RBFOX1: variants seen among roughly 807,000 people sequenced by gnomAD.
RBFOX1 encodes RNA binding protein fox-1 homolog 1.
A neutral mutation model predicts 57.7 loss-of-function variants in RBFOX1; 8 were observed. That is an observed-to-expected ratio of 0.14 (90% confidence interval 0.08 to 0.25). The LOEUF is 0.25. Among genes scored for constraint, RBFOX1 ranks in the 10% least tolerant of loss-of-function variants. RBFOX1 has a pLI of 1.00. For missense variants in RBFOX1, 611 were observed against 548.5 expected (o/e 1.11, Z -1.14); for synonymous variants, 326 against 222.4 (o/e 1.47, Z -4.15).
chr16:5,799,286 C>T (rs2054982664), intron 3 of RBFOX1, among the ~76,000 whole-genome samples: 1 of 152,070 alleles, frequency 6.6e-6, no homozygotes, highest in Admixed American at 6.6e-5. Context: ...GGGTTCCTCC[C>T]ACAACACATG....
intron 1 of RBFOX1, among the ~76,000 whole-genome samples, chr16:6,179,556 C>T (rs912605178): frequency 6.6e-6 from 1 of 152,144 alleles, no homozygotes; most frequent in Non-Finnish European, 1.5e-5. Context: ...CCCTACTGGG[C>T]TCAGAGACTG....
intron 3 of RBFOX1, among the ~76,000 whole-genome samples, chr16:6,891,356 T>C (rs542204055): frequency 6.6e-6 from 1 of 152,128 alleles, no homozygotes; most frequent in African/African-American, 2.4e-5. Context: ...CCCATCGATA[T>C]AAGATACAGA....
At chr16:7,217,917 TGA>T (rs1427397476) in intron 4 of RBFOX1, among the ~76,000 whole-genome samples, 3 of 151,614 alleles carry the variant, frequency 2.0e-5, no homozygotes, top group Admixed American at 6.6e-5. Context: ...TGTGTGTGTG[TGA>T]GTGTAGGTGT....
chr16:5,368,738 A>T (rs1181786237), intron 1 of RBFOX1, among the ~76,000 whole-genome samples: 1 of 151,922 alleles, frequency 6.6e-6, no homozygotes, highest in Admixed American at 6.6e-5. Flanking sequence ...TTTCATAGTG[A>T]CCTCTCTAAG....
chr16:5,810,841 G>A (rs986620057), intron 3 of RBFOX1, among the ~76,000 whole-genome samples: 2 of 152,100 alleles, frequency 1.3e-5, no homozygotes, highest in African/African-American at 4.8e-5. Context: ...CCTCAACTGG[G>A]AATGTTCTCT....
At chr16:6,252,662 G>C (rs1159305536) in intron 1 of RBFOX1, among the ~76,000 whole-genome samples, 1 of 152,114 alleles carries the variant, frequency 6.6e-6, no homozygotes, top group Non-Finnish European at 1.5e-5. Flanking sequence ...ATTCATGACT[G>C]TGTACAGCCA....
At chr16:6,936,611 T>C (rs1307512195) in intron 3 of RBFOX1, among the ~76,000 whole-genome samples, 2 of 152,084 alleles carry the variant, frequency 1.3e-5, no homozygotes, top group African/African-American at 4.8e-5. Context: ...GACATCCCTA[T>C]AAAATATTCA....
At chr16:5,735,612 A>G (rs1309365619) in intron 3 of RBFOX1, among the ~76,000 whole-genome samples, 7 of 152,150 alleles carry the variant, frequency 4.6e-5, no homozygotes, top group Admixed American at 4.6e-4. Flanking sequence ...AAGTACGTGC[A>G]TGGGCCGGGC....
intron 3 of RBFOX1, among the ~76,000 whole-genome samples, chr16:6,681,637 A>G (rs573927460): frequency 6.7e-6 from 1 of 150,304 alleles, no homozygotes; most frequent in African/African-American, 2.4e-5. Context: ...ACATATAATC[A>G]CAATTGCCCC....
chr16:6,639,850 G>A (rs1485437073), intron 2 of RBFOX1, among the ~76,000 whole-genome samples: 1 of 152,148 alleles, frequency 6.6e-6, no homozygotes, highest in Non-Finnish European at 1.5e-5. Context: ...CTGCACTCCA[G>A]CCTGAGCAAC....
intron 1 of RBFOX1, among the ~76,000 whole-genome samples, chr16:6,091,639 G>C (rs2096176150): frequency 6.6e-6 from 1 of 152,154 alleles, no homozygotes; most frequent in African/African-American, 2.4e-5. Flanking sequence ...AGACCAGCCT[G>C]GCCAACATGG....
At chr16:7,451,642 A>G (rs989179522) in intron 4 of RBFOX1, among the ~76,000 whole-genome samples, 2 of 152,200 alleles carry the variant, frequency 1.3e-5, no homozygotes, top group Non-Finnish European at 1.5e-5. Flanking sequence ...TTTTGAAATT[A>G]AACCTACCTG....
At chr16:6,666,140 A>T (rs1162323557) in intron 3 of RBFOX1, among the ~76,000 whole-genome samples, 3 of 152,180 alleles carry the variant, frequency 2.0e-5, no homozygotes, top group African/African-American at 7.2e-5. Context: ...AGCCACATGG[A>T]ACTGTGAGTC....
chr16:6,399,498 A>ATC (rs1425804351), intron 2 of RBFOX1, among the ~76,000 whole-genome samples: 1 of 152,134 alleles, frequency 6.6e-6, no homozygotes, highest in Non-Finnish European at 1.5e-5. Context: ...GAAGTTCCTC[A>ATC]TCTCCATCTG....
intron 3 of RBFOX1, among the ~76,000 whole-genome samples, chr16:5,705,768 A>G (rs1018218372): frequency 6.6e-6 from 1 of 152,186 alleles, no homozygotes; most frequent in Non-Finnish European, 1.5e-5. Flanking sequence ...TCACTCTGTC[A>G]TTCTCCTGGG....
intron 3 of RBFOX1, among the ~76,000 whole-genome samples, chr16:7,013,725 A>T (rs1477461804): frequency 1.3e-5 from 2 of 151,408 alleles, no homozygotes; most frequent in African/African-American, 4.9e-5. Flanking sequence ...TGGCACAATC[A>T]CTGCTCACTG....
At chr16:6,869,350 C>G (rs1057150764) in intron 3 of RBFOX1, among the ~76,000 whole-genome samples, 2 of 152,240 alleles carry the variant, frequency 1.3e-5, no homozygotes, top group South Asian at 2.1e-4. Context: ...TCACTGTTCA[C>G]AAATCCCATA....
chr16:5,289,336 A>G lies in RBFOX1; in HGVS notation c.219+49231A>G, dbSNP rs1227191926. The G allele has an allele frequency of 2.3e-5, 9 of 398,936 alleles. No homozygotes were observed. In the South Asian group the frequency reaches 3.0e-4, roughly 13 times the overall value. 24.7% of individuals were successfully genotyped at this position (398,936 alleles called of 1,614,324 possible). The stretch of plus-strand genomic sequence containing the variant: ...CATTCCAGGAGCAGGTTCCACTGGC[A>G]TCACCCCAGGAGGAGGAGGAGGGCC... On this transcript the variant is annotated intron_variant, in intron 1 of 2. Coordinates refer to the RBFOX1 transcript ENST00000585867.
intron 3 of RBFOX1, among the ~76,000 whole-genome samples, chr16:5,864,723 T>G (rs1380731433): frequency 6.6e-6 from 1 of 152,188 alleles, no homozygotes; most frequent in African/African-American, 2.4e-5. Flanking sequence ...GATCAGAAAC[T>G]GGAAGTCCAA....
Sources: gnomAD v4.1 joint callset for allele counts (sites outside exome capture counted in the v4.1 genomes callset) on GRCh38, gnomAD v4.1.1 for gene constraint, MANE v1.5 for transcripts, NCBI Gene and HGNC (gene_info 2026-07-23, HGNC 2026-07-21) for gene names.